Variants in DEPDC4 observed in about 807,000 individuals in gnomAD.
DEPDC4 encodes DEP domain containing 4.
In DEPDC4, 52 loss-of-function variants were observed where a neutral mutation model predicts 52.0. The observed-to-expected ratio is 1.00, with a 90% CI of 0.80 to 1.26. The LOEUF is 1.26. DEPDC4 is among the 50% of genes most tolerant of loss of function. The pLI is 0.00. For missense variants in DEPDC4, 530 were observed against 546.9 expected, an observed-to-expected ratio of 0.97 and a Z score of 0.31; for synonymous variants, 201 against 196.8, an observed-to-expected ratio of 1.02 and a Z score of -0.18.
At chr12:100,239,238 G>A (rs1320998467), downstream of DEPDC4, among the ~76,000 whole-genome samples, 3 of 151,930 alleles carry the variant, frequency 2.0e-5, no homozygotes, top group Admixed American at 6.6e-5. Flanking sequence ...CACCACACAC[G>A]CTAATTTTTG....
At chr12:100,254,032 T>C (rs1047651880) in intron 4 of DEPDC4, among the ~76,000 whole-genome samples, 4 of 152,204 alleles carry the variant, frequency 2.6e-5, no homozygotes, top group Non-Finnish European at 4.4e-5. Context: ...TTTCCTGCTC[T>C]GATGAGTTGC....
upstream of DEPDC4, among the ~76,000 whole-genome samples, chr12:100,268,009 G>A (rs1302313134): frequency 6.6e-6 from 1 of 152,178 alleles, no homozygotes; most frequent in Admixed American, 6.5e-5. Flanking sequence ...ACGGATGGAG[G>A]AGGGTTTAGA....
In DEPDC4 at chr12:100,263,727, C is replaced by A. The variant is rs377024324; in HGVS notation, c.324G>T (p.Thr108=). Residue 108 remains threonine (T), a synonymous_variant, in exon 2 of 10, where the codon ACG becomes ACT. Transcript: ENST00000550587. The part of the protein sequence containing the change: ...DVVLSHLMQN[T]CLSSNDISCL... ...AAGAGATGTCATTGCTACTTAGGCACGTGTTTTGCATAAGATGACTTAAGA... is the reference window on the plus strand; with the variant it reads ...AAGAGATGTCATTGCTACTTAGGCAAGTGTTTTGCATAAGATGACTTAAGA... 10 of 1,613,934 alleles carry A rather than the reference C, an allele frequency of 6.2e-6. No individual in the cohort carries two copies. The highest frequency in any genetic ancestry group is 8.5e-6 in the Non-Finnish European group (10 of 1,180,010).
Position 100,240,967 on chromosome 12 carries a change from T to A in DEPDC4, c.*925A>T, listed in dbSNP as rs149876737. On this transcript the variant is annotated 3_prime_UTR_variant, in exon 10 of 10. Transcript: ENST00000550587. Reference sequence around the variant, plus strand: ...ACTCGGGAGGCTGAGGCAGGGAGAATTGCTTGAACCCAGGAGGCAGAGGTT... The same window carrying A: ...ACTCGGGAGGCTGAGGCAGGGAGAAATGCTTGAACCCAGGAGGCAGAGGTT... Among the ~76,000 whole-genome samples the A allele has an allele frequency of 2.0e-5, 3 of 152,050 alleles. No homozygotes were observed. The highest frequency in any genetic ancestry group is 4.4e-5 in the Non-Finnish European group (3 of 68,016).
In DEPDC4 at chr12:100,253,517, A is replaced by G; in HGVS notation, c.1077T>C (p.Asp359=). The G allele has an allele frequency of 7.8e-7, 1 of 1,282,108 alleles. No homozygotes were observed. 79.4% of individuals were successfully genotyped at this position (1,282,108 alleles called of 1,614,324 possible). ...RDCLLTDEYF[D]IHSGIIELLE... is the part of the protein sequence containing the mutation. ...AAAGTTCAATAATTCCTGAATGAATATCAAAATACTCATCAGTTAATAGGC... is the reference window on the plus strand; with the variant it reads ...AAAGTTCAATAATTCCTGAATGAATGTCAAAATACTCATCAGTTAATAGGC... Residue 359 remains aspartate (D), a synonymous_variant, in exon 5 of 10, where the codon GAT becomes GAC. Transcript: ENST00000550587.
At chr12:100,264,542 G>A (rs1292128136) in intron 1 of DEPDC4, among the ~76,000 whole-genome samples, 2 of 152,046 alleles carry the variant, frequency 1.3e-5, no homozygotes, top group Admixed American at 6.5e-5. Flanking sequence ...AGCCGAGCGT[G>A]GTGGCATGCG....
At chr12:100,273,909 T>C in the DEPDC4 span, among the ~76,000 whole-genome samples, 1 of 152,208 alleles carries the variant, frequency 6.6e-6, no homozygotes, top group Non-Finnish European at 1.5e-5. Context: ...ATTTAATATA[T>C]AGCTTGTCAG....
rs1171963298 is a variant in DEPDC4, at chr12:100,240,164, T to G, written c.*1728A>C. Among the ~76,000 whole-genome samples the G allele has an allele frequency of 6.6e-6, 1 of 152,096 alleles. No individual in the cohort carries two copies. The highest frequency in any genetic ancestry group is 1.5e-5 in the Non-Finnish European group (1 of 68,014). ...AGATGACCACAAAATACTTTTTTCCTTCTTTTTTTTGAGACAGGCTTCCTT... is the reference window on the plus strand; with the variant it reads ...AGATGACCACAAAATACTTTTTTCCGTCTTTTTTTTGAGACAGGCTTCCTT... On this transcript the variant is annotated 3_prime_UTR_variant, in exon 10 of 10. Transcript: ENST00000550587.
chr12:100,232,488 C>T, intron 9 of DEPDC4, among the ~76,000 whole-genome samples: 1 of 152,142 alleles, frequency 6.6e-6, no homozygotes. Context: ...GAGTTTCAAG[C>T]TCCATCTCAG....
intron 4 of DEPDC4, 184 bp downstream of exon 4, chr12:100,255,865 C>A: frequency 2.4e-6 from 1 of 416,322 alleles, no homozygotes; most frequent in Non-Finnish European, 4.2e-6. Context: ...CTCTGATTTC[C>A]AGTGATCTTA....
chr12:100,232,150 G>A (rs1157084032), intron 9 of DEPDC4, among the ~76,000 whole-genome samples: 2 of 152,150 alleles, frequency 1.3e-5, no homozygotes, highest in African/African-American at 4.8e-5. Context: ...CCAGCACTCT[G>A]GGAGGCCAAG....
At chr12:100,270,117 G>C (rs2096285984), upstream of DEPDC4, among the ~76,000 whole-genome samples, 1 of 151,860 alleles carries the variant, frequency 6.6e-6, no homozygotes, top group Admixed American at 6.6e-5. Context: ...CTCCCGAGTA[G>C]CTGGGACTAC....
At chr12:100,244,138 CAAA>C (rs2096174684) in intron 8 of DEPDC4, among the ~76,000 whole-genome samples, 2 of 98,748 alleles carry the variant, frequency 2.0e-5, no homozygotes, top group Non-Finnish European at 2.0e-5. Context: ...TATATATACA[CAAA>C]ATACAATAAA....
chr12:100,265,001 C>A (rs752739623), intron 1 of DEPDC4, among the ~76,000 whole-genome samples: 5 of 152,042 alleles, frequency 3.3e-5, no homozygotes, highest in Admixed American at 2.6e-4. Context: ...TAAAAACAAT[C>A]AAAATGTCTA....
chr12:100,233,618 T>C (rs1432310484), intron 9 of DEPDC4, among the ~76,000 whole-genome samples: 2 of 152,242 alleles, frequency 1.3e-5, no homozygotes, highest in East Asian at 3.8e-4. Context: ...TGAATGATTA[T>C]ACTCATGAAT....
chr12:100,243,052 GTTTAA>G (rs1412767742), intron 8 of DEPDC4, among the ~76,000 whole-genome samples: 7 of 152,082 alleles, frequency 4.6e-5, no homozygotes, highest in Non-Finnish European at 8.8e-5. Flanking sequence ...CTATATTAAA[GTTTAA>G]TTTATTAATT....
At chr12:100,247,614 C>T (rs193254158) in intron 8 of DEPDC4, among the ~76,000 whole-genome samples, 68 of 152,218 alleles carry the variant, frequency 4.5e-4, no homozygotes, top group African/African-American at 8.4e-4. Context: ...AATGCAGTAA[C>T]GGCAGCCATT....
Position 100,257,104 on chromosome 12 carries a change from CAG to C in DEPDC4, c.701-880_701-879del, listed in dbSNP as rs138278970. Among the ~76,000 whole-genome samples the C allele has an allele frequency of 4.7e-3, 722 of 152,110 alleles. 3 individuals are homozygous for C. The highest frequency in any genetic ancestry group is 0.014 in the African/African-American group (599 of 41,508). ...TTATTTATTTACTTACTTTTTGAGA[CAG>C]AGTGTCACTCTGCCCAGGCTGGAGT... On this transcript the variant is annotated intron_variant, in intron 3 of 9. Coordinates refer to ENST00000550587, the MANE Select transcript of DEPDC4 (RefSeq NM_001364818.2).
At chr12:100,262,711 C>T (rs563029290) in intron 2 of DEPDC4, among the ~76,000 whole-genome samples, 1 of 152,062 alleles carries the variant, frequency 6.6e-6, no homozygotes, top group African/African-American at 2.4e-5. Context: ...AGTACACTGG[C>T]TAAGTCATTT....
Sources: allele counts gnomAD v4.1 joint callset (sites outside exome capture counted in the v4.1 genomes callset), GRCh38; gene constraint gnomAD v4.1.1; transcripts MANE v1.5; gene names NCBI Gene and HGNC (gene_info 2026-07-23, HGNC 2026-07-21).